ACTN4: variants seen among roughly 807,000 people sequenced by gnomAD.
ACTN4 encodes the protein actinin alpha 4.
In ACTN4, 18 loss-of-function variants were observed where a neutral mutation model predicts 114.2. That is an observed-to-expected ratio of 0.16 (90% confidence interval 0.11 to 0.23). The LOEUF is 0.23. Ranked by LOEUF, ACTN4 falls within the 10% of genes least tolerant of loss-of-function variation. The probability of loss-of-function intolerance (pLI) is 1.00; values close to 1 mark genes in which losing one functional copy is unlikely to be tolerated. For synonymous variants in ACTN4, 515 were observed against 506.3 expected, an observed-to-expected ratio of 1.02 and a Z score of -0.23; for missense variants, 722 against 1,262.9, an observed-to-expected ratio of 0.57 and a Z score of 6.49.
At chr19:38,651,709 G>GT (rs1028188520) in intron 1 of ACTN4, among the ~76,000 whole-genome samples, 1 of 151,542 alleles carries the variant, frequency 6.6e-6, no homozygotes, top group Non-Finnish European at 1.5e-5. Flanking sequence ...GTTTTTGTTT[G>GT]TTTTTTGTAT....
Position 38,700,619 on chromosome 19 carries a change from A to G in ACTN4, c.182A>G (p.Asn61Ser), listed in dbSNP as rs1010342401. 20 of 1,613,840 alleles carry G rather than the reference A, an allele frequency of 1.2e-5. No individual in the cohort carries two copies. Among genetic ancestry groups the G allele is most frequent in the Non-Finnish European group, 1.6e-5 (19 of 1,179,944 alleles). ...QQRKTFTAWCNSHLRKAGTQI... is the reference protein window; with the variant it reads ...QQRKTFTAWCSSHLRKAGTQI... ...CCCCAGACCTTCACGGCATGGTGCA[A>G]CTCCCACCTGCGGAAGGCAGGCACA... is the stretch of plus-strand genomic sequence containing the variant. Residue 61 changes from asparagine to serine, a missense_variant, in exon 2 of 21, where the codon AAC becomes AGC. Transcript: ENST00000252699.
chr19:38,657,794 G>A (rs1398732511), intron 1 of ACTN4, among the ~76,000 whole-genome samples: 1 of 152,160 alleles, frequency 6.6e-6, no homozygotes, highest in Non-Finnish European at 1.5e-5. Flanking sequence ...AGAGGACTGT[G>A]GGTCTACAGC....
intron 12 of ACTN4, among the ~76,000 whole-genome samples, chr19:38,722,616 C>T (rs73933052): frequency 0.05 from 7,559 of 152,308 alleles, 307 homozygotes; most frequent in African/African-American, 0.1. Context: ...GGGGCCATCA[C>T]AGCATTTGGC....
chr19:38,672,218 A>G (rs1396268165), intron 1 of ACTN4, among the ~76,000 whole-genome samples: 2 of 148,440 alleles, frequency 1.3e-5, no homozygotes, highest in Non-Finnish European at 1.5e-5. Context: ...CCCACACAGC[A>G]GTATTTCTTA....
At chr19:38,716,046 C>T (rs144543907) in intron 9 of ACTN4, among the ~76,000 whole-genome samples, 3,809 of 152,152 alleles carry the variant, frequency 0.025, 79 homozygotes, top group Admixed American at 0.06. Flanking sequence ...GGATTACAGG[C>T]GCGCACCACC....
At chr19:38,664,010 G>T (rs551722478) in intron 1 of ACTN4, among the ~76,000 whole-genome samples, 1 of 152,230 alleles carries the variant, frequency 6.6e-6, no homozygotes, top group Non-Finnish European at 1.5e-5. Flanking sequence ...CCCTCAGGGC[G>T]TGTGGTGCTG....
chr19:38,657,941 G>A (rs1976760528), intron 1 of ACTN4, among the ~76,000 whole-genome samples: 1 of 152,204 alleles, frequency 6.6e-6, no homozygotes, highest in African/African-American at 2.4e-5. Context: ...CTCCATCTGG[G>A]TGTGAGTAAA....
At chr19:38,680,212 G>GT (rs75920199) in intron 1 of ACTN4, among the ~76,000 whole-genome samples, 2,455 of 123,340 alleles carry the variant, frequency 0.02, 59 homozygotes, top group East Asian at 0.059. Context: ...AGCTCAGGAA[G>GT]TTTTTTTTTT....
intron 5 of ACTN4, among the ~76,000 whole-genome samples, chr19:38,706,660 C>T (rs1434225021): frequency 6.6e-6 from 1 of 152,216 alleles, no homozygotes; most frequent in Non-Finnish European, 1.5e-5. Context: ...CTCAAGCAGT[C>T]CTCCTACCCC....
rs1968883653 is a variant in ACTN4, at chr19:38,717,530, T to C, written c.1143+214T>C. 6.6e-6 allele frequency among the ~76,000 whole-genome samples: 1 copy of C among 152,114 alleles called. No individual in the cohort carries two copies. Among genetic ancestry groups the C allele is most frequent in the Non-Finnish European group, 1.5e-5 (1 of 68,008 alleles). ...ACTCACTGTATTTTACACCCAGGGT[T>C]TTATACGCATCCCAAATCCTTGCCA... On this transcript the variant is annotated intron_variant, in intron 10 of 20. Transcript: ENST00000252699. This position sits in a 1 kb window ranked among gnomAD's most constrained non-coding sequence, Gnocchi z 4.0.
intron 3 of ACTN4, 45 bp from the exon 4 acceptor site, chr19:38,704,889 T>C (rs1178774820): frequency 6.3e-7 from 1 of 1,583,382 alleles, no homozygotes; most frequent in Non-Finnish European, 8.7e-7. Context: ...AGCCTCACTC[T>C]GGTTTTAACG....
intron 1 of ACTN4, among the ~76,000 whole-genome samples, chr19:38,658,587 GCC>G (rs1976779190): frequency 1.3e-5 from 2 of 152,162 alleles, no homozygotes. Context: ...TTACTGGTAT[GCC>G]TTGCATTTGG....
intron 3 of ACTN4, among the ~76,000 whole-genome samples, chr19:38,702,524 C>T (rs752967108): frequency 6.6e-6 from 1 of 152,224 alleles, no homozygotes; most frequent in African/African-American, 2.4e-5. Context: ...ATAAGCCCTC[C>T]GTTACCAGCT....
chr19:38,730,758 C>T lies in ACTN4; in HGVS notation c.*1326C>T, dbSNP rs1969521533. On this transcript the variant is annotated 3_prime_UTR_variant, in exon 21 of 21. Coordinates refer to ENST00000252699, the MANE Select transcript of ACTN4 (RefSeq NM_004924.6). ...GAGACTAGCCCCAGACAGGTGGATG[C>T]CAGAGAGAGTGGCACCCATGCCAGG... The T allele has an allele frequency of 7.5e-6, 11 of 1,473,620 alleles. No homozygotes were observed. Among genetic ancestry groups the T allele is most frequent in the Non-Finnish European group, 1.0e-5 (11 of 1,082,666 alleles). 91.3% of individuals were successfully genotyped at this position (1,473,620 alleles called of 1,614,324 possible).
intron 1 of ACTN4, among the ~76,000 whole-genome samples, chr19:38,663,469 A>G (rs959839912): frequency 1.3e-5 from 2 of 152,210 alleles, no homozygotes; most frequent in Non-Finnish European, 2.9e-5. Context: ...TAAACGGCAC[A>G]CCGACAAGCT....
At chr19:38,659,020 T>A (rs1287227854) in intron 1 of ACTN4, among the ~76,000 whole-genome samples, 1 of 151,858 alleles carries the variant, frequency 6.6e-6, no homozygotes, top group Non-Finnish European at 1.5e-5. Context: ...TTTTTTGAAC[T>A]AATTTTCCCT....
At chr19:38,650,958 C>T (rs1029010883) in intron 1 of ACTN4, among the ~76,000 whole-genome samples, 1 of 152,148 alleles carries the variant, frequency 6.6e-6, no homozygotes, top group African/African-American at 2.4e-5. Flanking sequence ...GTCTCAAACT[C>T]CCGACCCCAG....
chr19:38,716,376 C>G (rs1968840870), intron 9 of ACTN4, among the ~76,000 whole-genome samples: 1 of 152,276 alleles, frequency 6.6e-6, no homozygotes, highest in African/African-American at 2.4e-5. Context: ...GGCTTGTCGG[C>G]CTTGCCCTTG....
intron 1 of ACTN4, among the ~76,000 whole-genome samples, chr19:38,661,945 C>T (rs1976901044): frequency 6.6e-6 from 1 of 152,194 alleles, no homozygotes; most frequent in Admixed American, 6.5e-5. Flanking sequence ...AGCCACCGCG[C>T]CCGGCCTGGC....
Sources: allele counts gnomAD v4.1 joint callset (sites outside exome capture counted in the v4.1 genomes callset), GRCh38; gene constraint gnomAD v4.1.1; non-coding constraint Gnocchi (gnomAD v3.1); transcripts MANE v1.5; gene names NCBI Gene and HGNC (gene_info 2026-07-23, HGNC 2026-07-21).